GRIK4: variants seen among roughly 807,000 people sequenced by gnomAD.
The protein encoded by GRIK4 is glutamate receptor ionotropic, kainate 4.
GRIK4 carries 40 observed loss-of-function variants against 104.9 expected under a neutral mutation model. The ratio of observed to expected loss-of-function variants is 0.38; its 90% CI spans 0.30 to 0.50. The LOEUF (loss-of-function observed/expected upper bound fraction) is 0.50. Among genes scored for constraint, GRIK4 ranks in the 20% least tolerant of loss-of-function variants. The pLI is 0.93. For synonymous variants in GRIK4, 485 were observed against 524.9 expected (o/e 0.92, Z 1.04); for missense variants, 1,047 against 1,308.1 (o/e 0.80, Z 3.08).
In GRIK4 at chr11:120,515,129, C is replaced by T. The variant is rs958524810; in HGVS notation, c.-159+3242C>T. 40 of 439,696 alleles carry T rather than the reference C, an allele frequency of 9.1e-5. No homozygotes were observed. The Middle Eastern group carries it at 1.1e-3, about 12-fold the overall frequency. 27.2% of individuals were successfully genotyped at this position (439,696 alleles called of 1,614,324 possible). A position where few individuals can be genotyped will look rare whatever the true frequency, so the allele number is the denominator to read the frequency against. On this transcript the variant is annotated intron_variant, in intron 1 of 20. Coordinates refer to ENST00000527524, the MANE Select transcript of GRIK4 (RefSeq NM_014619.5). ...GTCTGGCATGATCTTGTCCCCCCTC[C>T]CCTGGCCACCCAGCCCTGGCACTGT...
At chr11:120,562,143 T>C (rs1948245850) in intron 1 of GRIK4, among the ~76,000 whole-genome samples, 2 of 152,200 alleles carry the variant, frequency 1.3e-5, no homozygotes, top group South Asian at 4.1e-4. Flanking sequence ...AACCCATTGA[T>C]TCACCTAAGC....
At chr11:120,800,198 C>G (rs1308770836) in intron 3 of GRIK4, among the ~76,000 whole-genome samples, 1 of 152,072 alleles carries the variant, frequency 6.6e-6, no homozygotes, top group Non-Finnish European at 1.5e-5. Context: ...CACATCAACT[C>G]TTAGGTGGAA....
At chr11:120,832,417 A>G (rs1458921620) in intron 7 of GRIK4, among the ~76,000 whole-genome samples, 4 of 152,216 alleles carry the variant, frequency 2.6e-5, no homozygotes, top group Non-Finnish European at 1.5e-5. Context: ...CAACAGGACC[A>G]TCACACCAGT....
intron 4 of GRIK4, among the ~76,000 whole-genome samples, chr11:120,814,542 C>T (rs748622839): frequency 8.5e-5 from 13 of 152,094 alleles, no homozygotes; most frequent in South Asian, 2.1e-4. Flanking sequence ...TGCAGTGAGC[C>T]GAGATCGCAC....
At position 120,816,471 on chromosome 11, in the gene GRIK4, C is replaced by T. The variant is rs370038876; in HGVS notation, c.345+996C>T. Among the ~76,000 whole-genome samples, 285 of 152,226 alleles carry T rather than the reference C, an allele frequency of 1.9e-3. 2 individuals are homozygous for T. The highest frequency in any genetic ancestry group is 4.1e-4 in the Non-Finnish European group (28 of 68,010). ...CTTCTGCCCTAGAGGCCTGGAGGCTCAGCCTTCCAGAAGCTCTAGTCTCAG... is the reference window on the plus strand; with the variant it reads ...CTTCTGCCCTAGAGGCCTGGAGGCTTAGCCTTCCAGAAGCTCTAGTCTCAG... On this transcript the variant is annotated intron_variant, in intron 5 of 20. Transcript: ENST00000527524.
At position 120,905,264 on chromosome 11, in the gene GRIK4, A is replaced by C; in HGVS notation, c.1273-26A>C. 3 of 1,538,170 alleles carry C rather than the reference A, an allele frequency of 2.0e-6. No homozygotes were observed. The highest frequency in any genetic ancestry group is 1.1e-5 in the South Asian group (1 of 89,632). On this transcript the variant is annotated intron_variant, in intron 12 of 20. Transcript: ENST00000527524. This position sits in a 1 kb window ranked among gnomAD's most constrained non-coding sequence, Gnocchi z 5.1. ...GTGAGACACCAGGGCTAAGATGAGA[A>C]TGACAGCTGCCCAGTTTTGCTGCAG...
chr11:120,950,015 C>T (rs146534834), intron 14 of GRIK4, among the ~76,000 whole-genome samples: 23 of 152,314 alleles, frequency 1.5e-4, no homozygotes, highest in African/African-American at 5.1e-4. Flanking sequence ...TTGCCCCAAG[C>T]GCCAGTAACT....
At chr11:120,898,387 C>T in intron 11 of GRIK4, 145 bp from the exon 12 acceptor site, 1 of 586,236 alleles carries the variant, frequency 1.7e-6, no homozygotes, top group Middle Eastern at 3.2e-4. Context: ...AAACAGTCTC[C>T]CTTCTGCAGT....
chr11:120,931,768 T>C (rs1943485931), intron 13 of GRIK4, among the ~76,000 whole-genome samples: 1 of 152,226 alleles, frequency 6.6e-6, no homozygotes, highest in Non-Finnish European at 1.5e-5. Context: ...TGTATTGATA[T>C]TACAAGTCCA....
chr11:120,550,996 G>A (rs1486124492), intron 1 of GRIK4, among the ~76,000 whole-genome samples: 3 of 152,080 alleles, frequency 2.0e-5, no homozygotes, highest in African/African-American at 4.8e-5. Context: ...CTAATGTGGG[G>A]GTATTCATGG....
chr11:120,656,986 T>C (rs1949721165), intron 2 of GRIK4, among the ~76,000 whole-genome samples: 1 of 152,204 alleles, frequency 6.6e-6, no homozygotes, highest in Non-Finnish European at 1.5e-5. Context: ...CTGACACCTA[T>C]TTAGCAGTCT....
At chr11:120,695,588 G>A (rs1048688815) in intron 3 of GRIK4, among the ~76,000 whole-genome samples, 5 of 152,108 alleles carry the variant, frequency 3.3e-5, no homozygotes, top group Non-Finnish European at 7.3e-5. Flanking sequence ...GTCAGCCTGC[G>A]GGGTCTGGCC....
intron 1 of GRIK4, among the ~76,000 whole-genome samples, chr11:120,520,206 C>T (rs1456220061): frequency 6.6e-6 from 1 of 152,162 alleles, no homozygotes; most frequent in East Asian, 1.9e-4. Flanking sequence ...CTCACTACTG[C>T]TTCTATATTT....
intron 3 of GRIK4, among the ~76,000 whole-genome samples, chr11:120,707,610 C>G (rs575731429): frequency 6.6e-6 from 1 of 152,196 alleles, no homozygotes; most frequent in Non-Finnish European, 1.5e-5. Flanking sequence ...AACACAGCAA[C>G]AATCATTGAT....
chr11:120,727,201 C>T (rs1032088063), intron 3 of GRIK4, among the ~76,000 whole-genome samples: 1 of 152,194 alleles, frequency 6.6e-6, no homozygotes, highest in African/African-American at 2.4e-5. Context: ...GGGGCGAGAG[C>T]AGCCTCGTTC....
chr11:120,631,828 C>T (rs1200444214), intron 1 of GRIK4, among the ~76,000 whole-genome samples: 4 of 152,148 alleles, frequency 2.6e-5, no homozygotes, highest in African/African-American at 7.2e-5. Context: ...ACGACACCAC[C>T]GCTGGGCTTG....
intron 1 of GRIK4, among the ~76,000 whole-genome samples, chr11:120,634,437 T>A (rs534268341): frequency 6.6e-6 from 1 of 151,996 alleles, no homozygotes; most frequent in East Asian, 1.9e-4. Flanking sequence ...ATTTCCCAGG[T>A]TGAAAGTTCT....
At chr11:120,630,915 G>A (rs562276965) in intron 1 of GRIK4, among the ~76,000 whole-genome samples, 8 of 152,286 alleles carry the variant, frequency 5.3e-5, no homozygotes, top group Admixed American at 2.6e-4. Flanking sequence ...GTACCTGGGC[G>A]ATCTCTGGGT....
At chr11:120,984,037 A>G (rs1055376782) in intron 20 of GRIK4, among the ~76,000 whole-genome samples, 2 of 152,198 alleles carry the variant, frequency 1.3e-5, no homozygotes, top group African/African-American at 4.8e-5. Flanking sequence ...CAAGTCGGGA[A>G]AACTAATGTA....
Sources: gnomAD v4.1 joint callset for allele counts (sites outside exome capture counted in the v4.1 genomes callset) on GRCh38, gnomAD v4.1.1 for gene constraint, Gnocchi (gnomAD v3.1) non-coding constraint, MANE v1.5 for transcripts, NCBI Gene and HGNC (gene_info 2026-07-23, HGNC 2026-07-21) for gene names.